Variants in GSE1 observed in about 807,000 individuals in gnomAD.
The protein encoded by GSE1 is genetic suppressor element 1.
In GSE1, 32 loss-of-function variants were observed where a neutral mutation model predicts 112.6. That is an observed-to-expected ratio of 0.28 (90% confidence interval 0.21 to 0.38). The LOEUF (loss-of-function observed/expected upper bound fraction) is 0.38. Ranked by LOEUF, GSE1 falls within the 10% of genes least tolerant of loss-of-function variation. The probability of loss-of-function intolerance (pLI) is 1.00; values close to 1 mark genes in which losing one functional copy is unlikely to be tolerated. For synonymous variants in GSE1, 1,115 were observed against 735.6 expected (o/e 1.52, Z -8.35); for missense variants, 2,348 against 1,699.2 (o/e 1.38, Z -6.71).
At chr16:85,199,667 C>CT (rs962090784) in intron 1 of GSE1, among the ~76,000 whole-genome samples, 10 of 151,564 alleles carry the variant, frequency 6.6e-5, no homozygotes, top group Non-Finnish European at 1.2e-4. Flanking sequence ...CAGCTCTTCC[C>CT]TTTTTTTTTC....
chr16:85,335,171 C>T (rs566914945), intron 1 of GSE1, among the ~76,000 whole-genome samples: 1 of 152,364 alleles, frequency 6.6e-6, no homozygotes, highest in African/African-American at 2.4e-5. Flanking sequence ...AGCCAGGGAA[C>T]CTCGGAGGGT....
intron 2 of GSE1, among the ~76,000 whole-genome samples, chr16:85,478,839 TTTTC>T (rs59687856): frequency 0.013 from 1,324 of 102,680 alleles, 34 homozygotes; most frequent in East Asian, 0.018. Context: ...CGCTCATTTA[TTTTC>T]TTTCTTTCTT....
chr16:85,572,568 C>T (rs1567603662), intron 1 of GSE1, among the ~76,000 whole-genome samples: 1 of 152,326 alleles, frequency 6.6e-6, no homozygotes, highest in East Asian at 1.9e-4. Flanking sequence ...GACATACACA[C>T]ACACACCAGG....
At position 85,671,101 on chromosome 16, in the gene GSE1, G is replaced by A; in HGVS notation, c.3519+3G>A. 4 of 1,558,810 alleles carry A rather than the reference G, an allele frequency of 2.6e-6. No individual in the cohort carries two copies. Among genetic ancestry groups the A allele is most frequent in the Admixed American group, 1.7e-5 (1 of 59,344 alleles). On this transcript the variant is annotated splice_donor_region_variant and intron_variant, in intron 15 of 15. Transcript: ENST00000253458. ...AGCAGCTCTCCCACAGCGTGGCGGT[G>A]AGTTGGGAAGGGATGGAAACCTTCA...
intron 2 of GSE1, among the ~76,000 whole-genome samples, chr16:85,389,602 C>T (rs1597576211): frequency 2.0e-5 from 3 of 152,282 alleles, no homozygotes; most frequent in Admixed American, 6.5e-5. Context: ...GTCTCTGCTT[C>T]TGTCCTCCAT....
intron 1 of GSE1, among the ~76,000 whole-genome samples, chr16:85,576,471 G>A (rs1293505772): frequency 2.0e-5 from 3 of 152,140 alleles, no homozygotes; most frequent in African/African-American, 7.2e-5. Context: ...GTCCTTATTG[G>A]TCTCTGCTAG....
At chr16:85,616,085 A>T (rs556569559) in intron 1 of GSE1, among the ~76,000 whole-genome samples, 1 of 152,242 alleles carries the variant, frequency 6.6e-6, no homozygotes, top group Non-Finnish European at 1.5e-5. Context: ...CTGTGGGCTC[A>T]GCATCGCCGG....
Position 85,373,858 on chromosome 16 carries a change from G to A in GSE1, c.2464+16215G>A, listed in dbSNP as rs1332241770. Among the ~76,000 whole-genome samples the A allele has an allele frequency of 1.3e-5, 2 of 152,108 alleles. No individual in the cohort carries two copies. The highest frequency in any genetic ancestry group is 2.9e-5 in the Non-Finnish European group (2 of 68,010). On this transcript the variant is annotated intron_variant, in intron 2 of 2. Coordinates refer to the GSE1 transcript ENST00000637419. This position sits in a 1 kb window ranked among gnomAD's most constrained non-coding sequence, Gnocchi z 5.1. ...CCCACGGTTACCACCGCCACGGCAGGGCCAGTCTCTTTGTCTCTTTCATGA... is the reference window on the plus strand; with the variant it reads ...CCCACGGTTACCACCGCCACGGCAGAGCCAGTCTCTTTGTCTCTTTCATGA...
intron 14 of GSE1, among the ~76,000 whole-genome samples, chr16:85,670,140 C>G (rs2053210881): frequency 6.6e-6 from 1 of 152,200 alleles, no homozygotes. Context: ...TTTCAGGTAT[C>G]ACATAGATTT....
upstream of GSE1, among the ~76,000 whole-genome samples, chr16:85,611,859 GGGAGGGGGAGGGAGGAA>G (rs2048005745): frequency 6.6e-6 from 1 of 151,938 alleles, no homozygotes; most frequent in Non-Finnish European, 1.5e-5. Flanking sequence ...GGCTGGCGCG[GGGAGGGGGAGGGAGGAA>G]GGCGGGGGAG....
At chr16:85,343,236 G>A (rs769253498) in intron 1 of GSE1, among the ~76,000 whole-genome samples, 4 of 152,160 alleles carry the variant, frequency 2.6e-5, no homozygotes, top group Non-Finnish European at 4.4e-5. Context: ...CGCGCTGAAC[G>A]GGAAGGCCAG....
chr16:85,269,596 C>A (rs1471873979), intron 1 of GSE1, among the ~76,000 whole-genome samples: 1 of 149,220 alleles, frequency 6.7e-6, no homozygotes. Flanking sequence ...CTCCTGACTC[C>A]CCGGTGCTGC....
chr16:85,495,541 G>C (rs2051147621), intron 2 of GSE1, among the ~76,000 whole-genome samples: 1 of 151,816 alleles, frequency 6.6e-6, no homozygotes. Context: ...GTCGGGCCCA[G>C]GCTGGGGTGC....
intron 2 of GSE1, among the ~76,000 whole-genome samples, chr16:85,421,229 G>A (rs544718311): frequency 7.6e-4 from 116 of 152,070 alleles, no homozygotes; most frequent in African/African-American, 2.2e-3. Context: ...GGGGACCCCC[G>A]CCAGCGATTT....
At position 85,185,839 on chromosome 16, in the gene GSE1, G is replaced by C. The variant is rs571023905; in HGVS notation, c.2283+14032G>C. Among the ~76,000 whole-genome samples the C allele has an allele frequency of 3.3e-5, 5 of 152,350 alleles. No individual in the cohort carries two copies. The South Asian group carries it at 1.0e-3, about 32-fold the overall frequency. On this transcript the variant is annotated intron_variant, in intron 1 of 2. Coordinates refer to the GSE1 transcript ENST00000637419. ...CTGAACCCTCCCTGGGGCATTCTGGGAAACTCTGGAGGGCCCTGCGGGGGC... is the reference window on the plus strand; with the variant it reads ...CTGAACCCTCCCTGGGGCATTCTGGCAAACTCTGGAGGGCCCTGCGGGGGC...
chr16:85,545,361 G>C (rs1003666395), intron 2 of GSE1, among the ~76,000 whole-genome samples: 3 of 152,230 alleles, frequency 2.0e-5, no homozygotes, highest in Admixed American at 6.5e-5. Flanking sequence ...CCAAAATGGA[G>C]GTCGGACACA....
At chr16:85,184,636 A>G (rs1201613053) in intron 1 of GSE1, among the ~76,000 whole-genome samples, 1 of 152,110 alleles carries the variant, frequency 6.6e-6, no homozygotes, top group Non-Finnish European at 1.5e-5. Flanking sequence ...TGCACCCCAC[A>G]CTTTGTGATA....
At chr16:85,214,968 G>A (rs944310734) in intron 1 of GSE1, among the ~76,000 whole-genome samples, 7 of 152,318 alleles carry the variant, frequency 4.6e-5, no homozygotes, top group Admixed American at 2.0e-4. Flanking sequence ...TGGCCTCTGC[G>A]GGTGGCGGGT....
At chr16:85,644,796 G>A (rs1026098881) in intron 2 of GSE1, among the ~76,000 whole-genome samples, 1 of 151,996 alleles carries the variant, frequency 6.6e-6, no homozygotes, top group Non-Finnish European at 1.5e-5. Context: ...TACGCGGGAT[G>A]GAATCATAGC....
Sources: allele counts gnomAD v4.1 joint callset (sites outside exome capture counted in the v4.1 genomes callset), GRCh38; gene constraint gnomAD v4.1.1; non-coding constraint Gnocchi (gnomAD v3.1); transcripts MANE v1.5; gene names NCBI Gene and HGNC (gene_info 2026-07-23, HGNC 2026-07-21).